DENND4C: variants seen among roughly 807,000 people sequenced by gnomAD.
DENND4C encodes DENN domain-containing protein 4C.
DENND4C carries 108 observed loss-of-function variants against 203.0 expected under a neutral mutation model. The observed-to-expected ratio is 0.53, with a 90% confidence interval of 0.46 to 0.62. The LOEUF (loss-of-function observed/expected upper bound fraction) is 0.62. Ranked by LOEUF, DENND4C falls within the 20% of genes least tolerant of loss-of-function variation. The pLI is 0.00. For missense variants in DENND4C, 2,481 were observed against 2,301.2 expected (o/e 1.08, Z -1.60); for synonymous variants, 871 against 792.4 (o/e 1.10, Z -1.67).
chr9:19,304,703 A>G (rs1839305565), intron 9 of DENND4C, among the ~76,000 whole-genome samples: 2 of 148,540 alleles, frequency 1.3e-5, no homozygotes, highest in African/African-American at 2.5e-5. Flanking sequence ...CGTCTGGCTA[A>G]TTTTTTGTAC....
chr9:19,282,568 A>AAAAAT (rs1387565010), intron 2 of DENND4C, among the ~76,000 whole-genome samples: 3 of 149,108 alleles, frequency 2.0e-5, no homozygotes, highest in Middle Eastern at 3.4e-3. Context: ...TTAAAAAAAA[A>AAAAAT]AAAAAAATAA....
intron 21 of DENND4C, among the ~76,000 whole-genome samples, chr9:19,341,484 A>G (rs550279701): frequency 2.6e-5 from 4 of 151,168 alleles, no homozygotes; most frequent in East Asian, 2.0e-4. Flanking sequence ...TAATTTTTTT[A>G]TGTTTTGTAG....
chr9:19,235,458 T>C (rs1290688321), intron 1 of DENND4C, among the ~76,000 whole-genome samples: 1 of 152,208 alleles, frequency 6.6e-6, no homozygotes, highest in African/African-American at 2.4e-5. Flanking sequence ...TTGTGTACAT[T>C]AACTTATGAT....
intron 27 of DENND4C, 100 bp downstream of exon 27, chr9:19,357,254 C>A (rs933278634): frequency 2.3e-5 from 27 of 1,187,434 alleles, no homozygotes; most frequent in Non-Finnish European, 2.9e-5. Flanking sequence ...GGCATAAGTT[C>A]TGGCATTTAA....
chr9:19,338,626 C>G (rs1329990846), intron 20 of DENND4C, among the ~76,000 whole-genome samples: 1 of 152,156 alleles, frequency 6.6e-6, no homozygotes. Context: ...TAAGGATTAT[C>G]TCGTGGAATC....
At chr9:19,260,759 G>C (rs1829157340) in intron 1 of DENND4C, among the ~76,000 whole-genome samples, 1 of 152,102 alleles carries the variant, frequency 6.6e-6, no homozygotes, top group African/African-American at 2.4e-5. Context: ...CCCATCTGTA[G>C]GTTGTCTCTT....
chr9:19,345,450 G>C (rs1460206047), intron 22 of DENND4C, among the ~76,000 whole-genome samples: 1 of 152,174 alleles, frequency 6.6e-6, no homozygotes, highest in Non-Finnish European at 1.5e-5. Context: ...GAATTTGCCA[G>C]TGCTAAGCAT....
rs1830710069 is a variant in DENND4C, at chr9:19,267,361, T to G, written c.-17-8797T>G. Reference sequence around the variant, plus strand: ...TTGACACCCTTATTATATAATGACCTTCTTTGTCTCTTTTTATGGTTTTTA... The same window carrying G: ...TTGACACCCTTATTATATAATGACCGTCTTTGTCTCTTTTTATGGTTTTTA... On this transcript the variant is annotated intron_variant, in intron 1 of 32. Transcript: ENST00000434457. Among the ~76,000 whole-genome samples, 3 of 152,228 alleles carry G rather than the reference T, an allele frequency of 2.0e-5. No homozygotes were observed. In the South Asian group the frequency reaches 6.2e-4, roughly 32 times the overall value.
chr9:19,283,068 A>G lies in DENND4C; in HGVS notation c.306-3701A>G, dbSNP rs10964084. Among the ~76,000 whole-genome samples the G allele has an allele frequency of 4.5e-3, 673 of 150,328 alleles. 8 individuals are homozygous for G. Among genetic ancestry groups the G allele is most frequent in the Admixed American group, 0.036 (549 of 15,124 alleles). On this transcript the variant is annotated intron_variant, in intron 2 of 32. Transcript: ENST00000434457. ...TTTTTTGCAAAGATGAGGTCCTCCT[A>G]TGTTGCCCAGGCTGTTCTTGAACTC...
At chr9:19,266,268 A>G (rs1830479994) in intron 1 of DENND4C, among the ~76,000 whole-genome samples, 1 of 151,944 alleles carries the variant, frequency 6.6e-6, no homozygotes, top group South Asian at 2.1e-4. Flanking sequence ...TTTGAGAGGT[A>G]TTTGTTCATA....
chr9:19,316,747 C>T lies in DENND4C; in HGVS notation c.1715C>T (p.Ser572Phe). ...IQEAFLRFMA[S>F]ILKGYRTYLR... Reference sequence around the variant, plus strand: ...GAGGCATTTTTGCGCTTTATGGCGTCTATTTTAAAAGGATATAGAACATAT... The same window carrying T: ...GAGGCATTTTTGCGCTTTATGGCGTTTATTTTAAAAGGATATAGAACATAT... Residue 572 changes from serine (S) to phenylalanine (F), a missense_variant, in exon 12 of 33, where the codon TCT becomes TTT. This residue lies in a region of DENND4C where 2,289 missense variants were observed against 2,113.3 expected (regional missense o/e 1.08). Transcript: ENST00000434457. 1 of 1,614,060 alleles carries T rather than the reference C, an allele frequency of 6.2e-7. No individual in the cohort carries two copies. The highest frequency in any genetic ancestry group is 8.5e-7 in the Non-Finnish European group (1 of 1,179,992).
intron 10 of DENND4C, among the ~76,000 whole-genome samples, chr9:19,315,822 C>T (rs770715375): frequency 6.6e-6 from 1 of 151,934 alleles, no homozygotes; most frequent in Non-Finnish European, 1.5e-5. Flanking sequence ...TCTTCTGCCT[C>T]AGCCTCCTGA....
chr9:19,250,132 C>G (rs535819925), intron 1 of DENND4C, among the ~76,000 whole-genome samples: 2 of 152,264 alleles, frequency 1.3e-5, no homozygotes, highest in African/African-American at 4.8e-5. Flanking sequence ...ACCTCCATCT[C>G]TACTGTACTA....
At chr9:19,285,190 T>A (rs1037862456) in intron 2 of DENND4C, among the ~76,000 whole-genome samples, 2 of 152,264 alleles carry the variant, frequency 1.3e-5, no homozygotes, top group Admixed American at 6.5e-5. Flanking sequence ...TAGACTAGAT[T>A]TTTCTTCTGT....
At chr9:19,255,453 T>C (rs1269537002) in intron 1 of DENND4C, among the ~76,000 whole-genome samples, 1 of 151,994 alleles carries the variant, frequency 6.6e-6, no homozygotes, top group African/African-American at 2.4e-5. Flanking sequence ...AATACTGTTA[T>C]CTACACATCA....
In DENND4C at chr9:19,262,576, T is replaced by C. The variant is rs1241701628; in HGVS notation, c.-17-13582T>C. Among the ~76,000 whole-genome samples the C allele has an allele frequency of 4.0e-5, 6 of 151,794 alleles. No individual in the cohort carries two copies. In the East Asian group the frequency reaches 9.7e-4, roughly 24 times the overall value. On this transcript the variant is annotated intron_variant, in intron 1 of 32. Transcript: ENST00000434457. ...CCTCCCAAGTAGCTGGGACTACAGG[T>C]GTGCACTCCCACACCCAGCTAATTT... is the stretch of plus-strand genomic sequence containing the variant.
chr9:19,345,564 C>G (rs190237543), intron 22 of DENND4C, among the ~76,000 whole-genome samples: 77 of 152,258 alleles, frequency 5.1e-4, no homozygotes, highest in Non-Finnish European at 9.7e-4. Flanking sequence ...AGATTACTGG[C>G]AAGTATTTGT....
intron 1 of DENND4C, among the ~76,000 whole-genome samples, chr9:19,269,035 C>T (rs983641043): frequency 1.3e-5 from 2 of 152,172 alleles, no homozygotes; most frequent in Admixed American, 6.5e-5. Flanking sequence ...ATACTTCTCT[C>T]TACCTTTTTG....
At chr9:19,300,500 A>C (rs1038720447) in intron 9 of DENND4C, among the ~76,000 whole-genome samples, 169 bp downstream of exon 9, 1 of 152,228 alleles carries the variant, frequency 6.6e-6, no homozygotes, top group Non-Finnish European at 1.5e-5. Context: ...GGCAAAGAGA[A>C]GTAGGAAATA....
Sources: allele counts gnomAD v4.1 joint callset (sites outside exome capture counted in the v4.1 genomes callset), GRCh38; gene constraint gnomAD v4.1.1; regional missense constraint gnomAD v4.1.1; transcripts MANE v1.5; gene names NCBI Gene and HGNC (gene_info 2026-07-23, HGNC 2026-07-21).